KIAA1217: variants seen among roughly 807,000 people sequenced by gnomAD.
KIAA1217 encodes the protein KIAA1217, also known as sickle tail protein homolog.
KIAA1217 carries 88 observed loss-of-function variants against 163.9 expected under a neutral mutation model. The ratio of observed to expected loss-of-function variants is 0.54; its 90% CI spans 0.45 to 0.64. The LOEUF (loss-of-function observed/expected upper bound fraction) is 0.64. Ranked by LOEUF, KIAA1217 falls within the 30% of genes least tolerant of loss-of-function variation. The pLI is 0.00. For synonymous variants in KIAA1217, 903 were observed against 923.1 expected (o/e 0.98, Z 0.39); for missense variants, 2,372 against 2,475.0 (o/e 0.96, Z 0.88).
At position 24,545,993 on chromosome 10, in the gene KIAA1217, C is replaced by T. The variant is rs141030064; in HGVS notation, c.5501C>T (p.Ser1834Leu). 119 of 1,614,148 alleles carry T rather than the reference C, an allele frequency of 7.4e-5. No homozygotes were observed. The highest frequency in any genetic ancestry group is 1.6e-4 in the Middle Eastern group (1 of 6,062). Residue 1834 changes from serine (S) to leucine (L), a missense_variant, in exon 21 of 21, where the codon TCG (serine) becomes TTG (leucine). Physicochemically the swap from Ser to Leu is moderately radical, Grantham distance 145. Coordinates refer to ENST00000376454, the MANE Select transcript of KIAA1217 (RefSeq NM_019590.5). ...NLPNPPATKP[S>L]IASNPLSPQT... ...CCTAATCCACCTGCTACTAAACCAT[C>T]GATTGCTTCTAACCCTCTCAGCCCC...
intron 2 of KIAA1217, among the ~76,000 whole-genome samples, chr10:24,130,398 T>A (rs2063611349): frequency 6.6e-6 from 1 of 152,218 alleles, no homozygotes; most frequent in Non-Finnish European, 1.5e-5. Context: ...TGGAACCAGA[T>A]TATAGGCTAT....
chr10:23,931,087 C>A (rs1247060501), intron 1 of KIAA1217, among the ~76,000 whole-genome samples: 1 of 152,116 alleles, frequency 6.6e-6, no homozygotes, highest in Non-Finnish European at 1.5e-5. Flanking sequence ...TTCTAGGCTG[C>A]AAGCTAACTC....
At chr10:23,703,772 G>A (rs981646323) in intron 1 of KIAA1217, among the ~76,000 whole-genome samples, 14 of 150,476 alleles carry the variant, frequency 9.3e-5, no homozygotes, top group Non-Finnish European at 1.9e-4. Flanking sequence ...AAAATAAAAG[G>A]TATAGATCAG....
intron 2 of KIAA1217, among the ~76,000 whole-genome samples, chr10:24,321,253 G>C (rs1235390053): frequency 6.6e-6 from 1 of 152,150 alleles, no homozygotes; most frequent in Non-Finnish European, 1.5e-5. Context: ...CAAGGGATAG[G>C]CTCGGCACAG....
At chr10:24,154,401 T>G (rs2064782096) in intron 2 of KIAA1217, among the ~76,000 whole-genome samples, 1 of 152,148 alleles carries the variant, frequency 6.6e-6, no homozygotes, top group African/African-American at 2.4e-5. Flanking sequence ...CACTCCAGCC[T>G]GGCTGACAGA....
At chr10:24,124,338 GT>G (rs1437542872) in intron 2 of KIAA1217, among the ~76,000 whole-genome samples, 1 of 151,950 alleles carries the variant, frequency 6.6e-6, no homozygotes, top group Non-Finnish European at 1.5e-5. Flanking sequence ...TGTTTTAGAA[GT>G]TTGTAAATTA....
At chr10:24,501,729 C>CTTTTTTTTTTTTTTTTTT (rs71397953) in intron 9 of KIAA1217, among the ~76,000 whole-genome samples, 184 bp downstream of exon 9, 4 of 51,472 alleles carry the variant, frequency 7.8e-5, no homozygotes, top group Non-Finnish European at 1.4e-4. Context: ...ATAACCACTT[C>CTTTTTTTTTTTTTTTTTT]TTTTTTTTTT....
At chr10:23,715,507 T>C (rs1468788819) in intron 1 of KIAA1217, among the ~76,000 whole-genome samples, 1 of 152,198 alleles carries the variant, frequency 6.6e-6, no homozygotes, top group Non-Finnish European at 1.5e-5. Flanking sequence ...TACTATTGAG[T>C]ATGATGAGAC....
At chr10:24,164,163 G>A (rs1392101943) in intron 2 of KIAA1217, among the ~76,000 whole-genome samples, 1 of 152,184 alleles carries the variant, frequency 6.6e-6, no homozygotes, top group African/African-American at 2.4e-5. Context: ...CCTCTTGGGA[G>A]ACTGAACTTC....
At chr10:24,053,214 A>G (rs1390116819) in intron 2 of KIAA1217, among the ~76,000 whole-genome samples, 3 of 152,148 alleles carry the variant, frequency 2.0e-5, no homozygotes, top group African/African-American at 7.2e-5. Context: ...TAAGTAAATA[A>G]TCCCTTCTTA....
At chr10:23,749,698 C>T (rs934004183) in intron 1 of KIAA1217, among the ~76,000 whole-genome samples, 6 of 152,232 alleles carry the variant, frequency 3.9e-5, no homozygotes, top group Non-Finnish European at 7.3e-5. Flanking sequence ...AGCCACCTCG[C>T]CCGGCATTTT....
intron 2 of KIAA1217, among the ~76,000 whole-genome samples, chr10:24,348,918 A>G (rs547799710): frequency 6.6e-6 from 1 of 152,296 alleles, no homozygotes; most frequent in African/African-American, 2.4e-5. Flanking sequence ...AAGCCAAGGT[A>G]GGAAGATCAT....
chr10:24,290,186 T>G (rs1357524969), intron 2 of KIAA1217, among the ~76,000 whole-genome samples: 1 of 151,758 alleles, frequency 6.6e-6, no homozygotes, highest in Non-Finnish European at 1.5e-5. Flanking sequence ...ACCCTCAGGG[T>G]GATGGCAAAA....
At chr10:24,027,351 T>A (rs1847999748) in intron 2 of KIAA1217, among the ~76,000 whole-genome samples, 1 of 152,154 alleles carries the variant, frequency 6.6e-6, no homozygotes, top group South Asian at 2.1e-4. Context: ...TGCTATATAT[T>A]GCGCAATATC....
chr10:24,133,045 G>T (rs1187831635), intron 2 of KIAA1217, among the ~76,000 whole-genome samples: 1 of 151,442 alleles, frequency 6.6e-6, no homozygotes, highest in African/African-American at 2.4e-5. Context: ...GAAGAATGAG[G>T]ATGCATCTAA....
At chr10:24,151,292 T>C (rs1037585615) in intron 2 of KIAA1217, among the ~76,000 whole-genome samples, 1 of 151,990 alleles carries the variant, frequency 6.6e-6, no homozygotes, top group African/African-American at 2.4e-5. Flanking sequence ...TTTTATCTCA[T>C]TGAATCTTTA....
chr10:24,308,934 C>G (rs2132947749), intron 2 of KIAA1217, among the ~76,000 whole-genome samples: 1 of 152,016 alleles, frequency 6.6e-6, no homozygotes, highest in South Asian at 2.1e-4. Context: ...ACCAGCCTGG[C>G]CAACATGGTG....
At chr10:24,405,763 G>T (rs568036970) in intron 3 of KIAA1217, among the ~76,000 whole-genome samples, 1 of 152,160 alleles carries the variant, frequency 6.6e-6, no homozygotes, top group Non-Finnish European at 1.5e-5. Flanking sequence ...CAAACAGGGG[G>T]TGAATAAAGT....
At chr10:24,234,276 A>T (rs1037109597) in intron 2 of KIAA1217, among the ~76,000 whole-genome samples, 7 of 152,024 alleles carry the variant, frequency 4.6e-5, no homozygotes, top group African/African-American at 1.4e-4. Flanking sequence ...AATCCAAAAA[A>T]AAAAAAAAAT....
Sources: allele counts gnomAD v4.1 joint callset (sites outside exome capture counted in the v4.1 genomes callset), GRCh38; gene constraint gnomAD v4.1.1; transcripts MANE v1.5; gene names NCBI Gene and HGNC (gene_info 2026-07-23, HGNC 2026-07-21).